Variants in CLIC4 observed in about 807,000 individuals in gnomAD.
CLIC4 encodes chloride intracellular channel protein 4.
CLIC4 carries 13 observed loss-of-function variants against 24.6 expected under a neutral mutation model. The observed-to-expected ratio is 0.53, with a 90% CI of 0.34 to 0.84. The LOEUF is 0.84. Among genes scored for constraint, CLIC4 ranks in the 40% least tolerant of loss-of-function variants. CLIC4 has a pLI of 0.01. For missense variants in CLIC4, 227 were observed against 301.7 expected (o/e 0.75, Z 1.83); for synonymous variants, 104 against 111.3 (o/e 0.93, Z 0.41).
intron 1 of CLIC4, among the ~76,000 whole-genome samples, chr1:24,794,088 T>C (rs552614270): frequency 6.6e-6 from 1 of 152,294 alleles, no homozygotes; most frequent in South Asian, 2.1e-4. Context: ...AGTCCATCTT[T>C]CCTTTTTAAA....
At chr1:24,788,533 C>T (rs935866442) in intron 1 of CLIC4, among the ~76,000 whole-genome samples, 4 of 152,138 alleles carry the variant, frequency 2.6e-5, no homozygotes, top group African/African-American at 7.2e-5. Flanking sequence ...CCTGTATCTG[C>T]GGGTTCTGCA....
In CLIC4 at chr1:24,745,481, G is replaced by A. The variant is rs1638674401; in HGVS notation, c.-73G>A. 2.1e-6 allele frequency: 3 copies of A among 1,410,524 alleles called. No individual in the cohort carries two copies. The Admixed American group carries it at 6.3e-5, about 30-fold the overall frequency. 87.4% of individuals were successfully genotyped at this position (1,410,524 alleles called of 1,614,324 possible). On this transcript the variant is annotated 5_prime_UTR_variant, in exon 1 of 6. Transcript: ENST00000374379. ...AGCAGCACGGCGGGAACCGGCAGCC[G>A]GAGCAGTCCCGGAGCAGAAGCAGCA...
intron 1 of CLIC4, among the ~76,000 whole-genome samples, chr1:24,770,008 A>G (rs1320598900): frequency 1.3e-5 from 2 of 151,950 alleles, no homozygotes; most frequent in African/African-American, 2.4e-5. Flanking sequence ...CAGTGCCACC[A>G]TGCCCAGCTA....
At chr1:24,788,586 T>G (rs1639299265) in intron 1 of CLIC4, among the ~76,000 whole-genome samples, 1 of 152,240 alleles carries the variant, frequency 6.6e-6, no homozygotes, top group Non-Finnish European at 1.5e-5. Context: ...GGTGTTTTGT[T>G]CCTTTCACTT....
chr1:24,814,213 C>T lies in CLIC4; in HGVS notation c.302C>T (p.Pro101Leu), dbSNP rs369355394. The change falls in exon 3 of 6, where the codon CCT (proline) becomes CTT (leucine). Residue 101 changes from proline (P) to leucine (L), a missense_variant. By Grantham distance (98) the Pro-to-Leu change is moderately conservative (BLOSUM62 -3). Coordinates refer to ENST00000374379, the MANE Select transcript of CLIC4 (RefSeq NM_013943.3). ...GAATTTCTTGAAGAAGTCTTATGCC[C>T]TCCCAAGTGAGTATCAAGGAAAATA... is the stretch of plus-strand genomic sequence containing the variant. ...IEEFLEEVLC[P>L]PKYLKLSPKH... 6.2e-7 allele frequency: 1 copy of T among 1,610,858 alleles called. No homozygotes were observed. The highest frequency in any genetic ancestry group is 8.5e-7 in the Non-Finnish European group (1 of 1,179,134).
intron 2 of CLIC4, among the ~76,000 whole-genome samples, chr1:24,810,946 G>A (rs553459761): frequency 6.6e-6 from 1 of 152,032 alleles, no homozygotes; most frequent in Non-Finnish European, 1.5e-5. Flanking sequence ...GCTGGGCTTG[G>A]TGTGCGCCTG....
chr1:24,822,053 G>A (rs1471454174), intron 3 of CLIC4, among the ~76,000 whole-genome samples: 1 of 152,164 alleles, frequency 6.6e-6, no homozygotes, highest in East Asian at 1.9e-4. Flanking sequence ...ATTTGTCCAA[G>A]GTTTCACAGT....
chr1:24,803,682 A>G (rs1386268559), intron 2 of CLIC4, among the ~76,000 whole-genome samples: 1 of 152,218 alleles, frequency 6.6e-6, no homozygotes, highest in African/African-American at 2.4e-5. Flanking sequence ...TTTGAACAAA[A>G]GCTTCAGATA....
intron 1 of CLIC4, among the ~76,000 whole-genome samples, chr1:24,766,093 A>G (rs1016283323): frequency 6.6e-6 from 1 of 150,680 alleles, no homozygotes; most frequent in African/African-American, 2.4e-5. Context: ...AGCAGCCTCC[A>G]CCTCCCGAGT....
intron 1 of CLIC4, among the ~76,000 whole-genome samples, chr1:24,767,853 A>AT (rs911290136): frequency 5.2e-4 from 78 of 150,312 alleles, no homozygotes; most frequent in Admixed American, 8.6e-4. Context: ...ATATATATAT[A>AT]TTTTTTTTGG....
intron 3 of CLIC4, among the ~76,000 whole-genome samples, chr1:24,819,670 C>T (rs1243433287): frequency 6.6e-6 from 1 of 151,866 alleles, no homozygotes; most frequent in African/African-American, 2.4e-5. Context: ...AACTCTGGAC[C>T]TCAGGTGATC....
At chr1:24,782,312 G>A (rs1571240849) in intron 1 of CLIC4, among the ~76,000 whole-genome samples, 1 of 152,164 alleles carries the variant, frequency 6.6e-6, no homozygotes, top group South Asian at 2.1e-4. Flanking sequence ...TTTGTAGTAA[G>A]GTCATGGAGT....
chr1:24,765,170 A>G (rs1638978198), intron 1 of CLIC4, among the ~76,000 whole-genome samples: 1 of 152,228 alleles, frequency 6.6e-6, no homozygotes, highest in Non-Finnish European at 1.5e-5. Flanking sequence ...TCTTAAATGC[A>G]TGAGATAGAA....
intron 4 of CLIC4, 83 bp from the exon 5 acceptor site, chr1:24,839,777 T>A: frequency 8.4e-7 from 1 of 1,197,240 alleles, no homozygotes; most frequent in South Asian, 1.5e-5. Flanking sequence ...AAACAGTTAT[T>A]GACTCAAAGA....
intron 1 of CLIC4, among the ~76,000 whole-genome samples, chr1:24,746,468 C>T (rs1380965725): frequency 3.9e-5 from 6 of 152,206 alleles, no homozygotes; most frequent in Non-Finnish European, 8.8e-5. Context: ...TACCCCTCTT[C>T]CTTTGCTTTT....
At chr1:24,781,772 TC>T (rs1426902446) in intron 1 of CLIC4, among the ~76,000 whole-genome samples, 8 of 151,852 alleles carry the variant, frequency 5.3e-5, no homozygotes, top group Non-Finnish European at 1.2e-4. Context: ...TGCCTCAACT[TC>T]CCAAGTAGCT....
chr1:24,770,401 T>C (rs1467902107), intron 1 of CLIC4, among the ~76,000 whole-genome samples: 1 of 151,976 alleles, frequency 6.6e-6, no homozygotes, highest in African/African-American at 2.4e-5. Context: ...AAACTAAATA[T>C]AGACGTGTAA....
At chr1:24,773,069 A>G (rs1318032303) in intron 1 of CLIC4, among the ~76,000 whole-genome samples, 1 of 152,204 alleles carries the variant, frequency 6.6e-6, no homozygotes, top group Admixed American at 6.5e-5. Context: ...GTGTTTTAAA[A>G]GTCCCCCACA....
At chr1:24,817,968 G>A (rs78887082) in intron 3 of CLIC4, among the ~76,000 whole-genome samples, 1,789 of 152,284 alleles carry the variant, frequency 0.012, 14 homozygotes, top group Middle Eastern at 0.02. Flanking sequence ...TAAGTGTGCT[G>A]TCTTATATGG....
Sources: gnomAD v4.1 joint callset for allele counts (sites outside exome capture counted in the v4.1 genomes callset) on GRCh38, gnomAD v4.1.1 for gene constraint, MANE v1.5 for transcripts, NCBI Gene and HGNC (gene_info 2026-07-23, HGNC 2026-07-21) for gene names.